QKI: variants seen among roughly 807,000 people sequenced by gnomAD.
QKI encodes QKI, KH domain containing RNA binding.
In QKI, 10 loss-of-function variants were observed where a neutral mutation model predicts 39.0. That is an observed-to-expected ratio of 0.26 (90% CI 0.16 to 0.43). The LOEUF (loss-of-function observed/expected upper bound fraction) is 0.43. Among genes scored for constraint, QKI ranks in the 20% least tolerant of loss-of-function variants. The pLI, the probability that QKI is intolerant of heterozygous loss-of-function variation, is 1.00. For synonymous variants in QKI, 204 were observed against 155.4 expected, an observed-to-expected ratio of 1.31 and a Z score of -2.33; for missense variants, 218 against 428.0, an observed-to-expected ratio of 0.51 and a Z score of 4.33.
chr6:163,566,695 T>C (rs754332230), intron 6 of QKI, 26 bp from the exon 7 acceptor site: 1 of 1,612,566 alleles, frequency 6.2e-7, no homozygotes, highest in Non-Finnish European at 8.5e-7. Context: ...TTTCTAACTT[T>C]GTCTTGGTAA....
intron 4 of QKI, among the ~76,000 whole-genome samples, chr6:163,553,676 G>A (rs188890858): frequency 1.2e-4 from 18 of 152,102 alleles, no homozygotes; most frequent in Admixed American, 3.3e-4. Flanking sequence ...AGATTGTATC[G>A]TATTTAGCAT....
intron 3 of QKI, among the ~76,000 whole-genome samples, chr6:163,504,016 T>G (rs2128232683): frequency 6.6e-6 from 1 of 152,248 alleles, no homozygotes; most frequent in South Asian, 2.1e-4. Flanking sequence ...GTGCTAGGAT[T>G]ACAGGTGTGA....
chr6:163,548,466 T>C (rs1782025960), intron 4 of QKI, among the ~76,000 whole-genome samples: 1 of 152,240 alleles, frequency 6.6e-6, no homozygotes, highest in East Asian at 1.9e-4. Flanking sequence ...AATCAATTAA[T>C]ATCTATATAT....
At position 163,478,775 on chromosome 6, in the gene QKI, C is replaced by A. The variant is rs747621557; in HGVS notation, c.286-5C>A. On this transcript the variant is annotated splice_polypyrimidine_tract_variant and splice_region_variant and intron_variant, in intron 2 of 7. Coordinates refer to ENST00000361752, the MANE Select transcript of QKI (RefSeq NM_006775.3). ...TGTATAGTGATCCTTTTTTTTTTTT[C>A]TCAGTTTAATTTTGTTGGGAGAATC... The A allele has an allele frequency of 4.8e-6, 7 of 1,444,620 alleles. No homozygotes were observed. Among genetic ancestry groups the A allele is most frequent in the South Asian group, 1.3e-5 (1 of 74,972 alleles). 89.5% of individuals were successfully genotyped at this position (1,444,620 alleles called of 1,614,324 possible). A position where few individuals can be genotyped will look rare whatever the true frequency, so the allele number is the denominator to read the frequency against.
At chr6:163,477,296 T>C (rs963148250) in intron 2 of QKI, among the ~76,000 whole-genome samples, 1 of 152,122 alleles carries the variant, frequency 6.6e-6, no homozygotes, top group African/African-American at 2.4e-5. Context: ...GGATTACAGG[T>C]GTGAGCCACT....
chr6:163,421,869 C>T (rs1397107803), intron 1 of QKI, among the ~76,000 whole-genome samples: 4 of 152,018 alleles, frequency 2.6e-5, no homozygotes, highest in Middle Eastern at 3.4e-3. Flanking sequence ...CTCAGCCTCC[C>T]GAGTAGCTGG....
At chr6:163,524,160 C>G (rs961200819) in intron 3 of QKI, among the ~76,000 whole-genome samples, 1 of 152,134 alleles carries the variant, frequency 6.6e-6, no homozygotes, top group African/African-American at 2.4e-5. Flanking sequence ...ATTTCTAATC[C>G]AAATGCTTCA....
intron 4 of QKI, among the ~76,000 whole-genome samples, chr6:163,558,265 T>C (rs1371224811): frequency 1.3e-5 from 2 of 152,204 alleles, no homozygotes; most frequent in Admixed American, 6.5e-5. Context: ...AGAGGTGATA[T>C]ATACCTTCAA....
rs182916559 is a variant in QKI, at chr6:163,459,961, A to T, written c.285+4540A>T. On this transcript the variant is annotated intron_variant, in intron 2 of 7. Coordinates refer to ENST00000361752, the MANE Select transcript of QKI (RefSeq NM_006775.3). ...AAATGATTATGAATAGAGTTAACTG[A>T]TTTATTTAAGTAAAAAGTGTTATAT... is the stretch of plus-strand genomic sequence containing the variant. Among the ~76,000 whole-genome samples, 25 of 152,306 alleles carry T rather than the reference A, an allele frequency of 1.6e-4. No individual in the cohort carries two copies. In the East Asian group the frequency reaches 4.6e-3, roughly 28 times the overall value.
intron 3 of QKI, among the ~76,000 whole-genome samples, chr6:163,504,898 A>C (rs1378634236): frequency 6.6e-6 from 1 of 152,154 alleles, no homozygotes; most frequent in Admixed American, 6.5e-5. Flanking sequence ...AATGTTTATT[A>C]GCTCTGAATC....
chr6:163,574,032 T>TAGGTGC lies in QKI; in HGVS notation c.*3325_*3330dup, dbSNP rs1783843712. The TAGGTGC allele has an allele frequency of 2.6e-5, 4 of 152,140 alleles. No individual in the cohort carries two copies. The highest frequency in any genetic ancestry group is 2.6e-4 in the Admixed American group (4 of 15,256). 9.4% of individuals were successfully genotyped at this position (152,140 alleles called of 1,614,324 possible). On this transcript the variant is annotated 3_prime_UTR_variant, in exon 8 of 8. Transcript: ENST00000361752. ...TTGGGGGCCGGGGCGGGTGTGGGTG[T>TAGGTGC]AGGTGCAGTAGAGATGGGAACAAAG...
At chr6:163,501,187 T>C (rs1045903472) in intron 3 of QKI, among the ~76,000 whole-genome samples, 5 of 152,080 alleles carry the variant, frequency 3.3e-5, no homozygotes, top group Admixed American at 3.3e-4. Context: ...GCGTGTTCTT[T>C]GGCCACTCAA....
intron 4 of QKI, among the ~76,000 whole-genome samples, chr6:163,555,295 C>T (rs1782514410): frequency 6.6e-6 from 1 of 151,714 alleles, no homozygotes; most frequent in African/African-American, 2.4e-5. Flanking sequence ...CTTTAAAAAT[C>T]AAAAAATAGA....
rs1293522566 is a variant in QKI, at chr6:163,563,443, G to C, written c.658G>C (p.Ala220Pro). The change falls in exon 6 of 8, where the codon GCA becomes CCA. Residue 220 changes from alanine to proline, a missense_variant. Physicochemically the swap from Ala to Pro is conservative, Grantham distance 27. Transcript: ENST00000361752. ...KSPALAFSLA[A>P]TAQAAPRIIT... ...AGCAGCCCTTGCCTTTTCTCTTGCA[G>C]CAACAGCCCAGGCTGCTCCAAGGAT... 6.2e-7 allele frequency: 1 copy of C among 1,609,078 alleles called. No homozygotes were observed. The highest frequency in any genetic ancestry group is 2.2e-5 in the East Asian group (1 of 44,792).
intron 4 of QKI, among the ~76,000 whole-genome samples, chr6:163,553,617 A>T (rs1485572905): frequency 6.6e-6 from 1 of 152,128 alleles, no homozygotes; most frequent in Admixed American, 6.5e-5. Flanking sequence ...TAAATCCTTC[A>T]GAAGTTTATC....
At chr6:163,420,364 G>C (rs913402174) in intron 1 of QKI, among the ~76,000 whole-genome samples, 1 of 152,010 alleles carries the variant, frequency 6.6e-6, no homozygotes, top group African/African-American at 2.4e-5. Flanking sequence ...AGCAAAACTT[G>C]CCCTTCTCTG....
chr6:163,531,103 C>G (rs1378560270), intron 3 of QKI, among the ~76,000 whole-genome samples: 1 of 151,922 alleles, frequency 6.6e-6, no homozygotes, highest in Non-Finnish European at 1.5e-5. Context: ...TTCATCTTTG[C>G]TCTCATGTTT....
At chr6:163,421,083 A>C (rs1476245131) in intron 1 of QKI, among the ~76,000 whole-genome samples, 1 of 152,198 alleles carries the variant, frequency 6.6e-6, no homozygotes, top group Non-Finnish European at 1.5e-5. Context: ...AAAAAAATGA[A>C]AATCTGAAAG....
chr6:163,452,311 T>A (rs1407000311), intron 1 of QKI, among the ~76,000 whole-genome samples: 1 of 152,244 alleles, frequency 6.6e-6, no homozygotes, highest in African/African-American at 2.4e-5. Flanking sequence ...ATGTCTTAGT[T>A]ACCTTTTCAT....
Sources: allele counts gnomAD v4.1 joint callset (sites outside exome capture counted in the v4.1 genomes callset), GRCh38; gene constraint gnomAD v4.1.1; transcripts MANE v1.5; gene names NCBI Gene and HGNC (gene_info 2026-07-23, HGNC 2026-07-21).